Variants in TRPS1 observed in about 807,000 individuals in gnomAD.
TRPS1 encodes the protein transcriptional repressor GATA binding 1.
Under a neutral mutation model 101.2 loss-of-function variants are expected in TRPS1, and 6 were observed. That is an observed-to-expected ratio of 0.06 (90% CI 0.03 to 0.12). The LOEUF is 0.12. Among genes scored for constraint, TRPS1 ranks in the 10% least tolerant of loss-of-function variants. TRPS1 has a pLI of 1.00. For missense variants in TRPS1, 1,363 were observed against 1,567.0 expected, an observed-to-expected ratio of 0.87 and a Z score of 2.20; for synonymous variants, 578 against 589.8, an observed-to-expected ratio of 0.98 and a Z score of 0.29.
chr8:115,636,935 G>T, intron 1 of TRPS1, among the ~76,000 whole-genome samples: 1 of 109,188 alleles, frequency 9.2e-6, no homozygotes, highest in East Asian at 2.2e-4. Flanking sequence ...AACAAAAAAA[G>T]CAAAAAAAAA....
chr8:115,529,835 T>C (rs1816088628), intron 5 of TRPS1, among the ~76,000 whole-genome samples: 2 of 152,126 alleles, frequency 1.3e-5, no homozygotes, highest in South Asian at 4.1e-4. Flanking sequence ...AACCAGCATG[T>C]AGAAAGCATA....
At chr8:115,613,713 C>T (rs1004057856) in intron 3 of TRPS1, among the ~76,000 whole-genome samples, 21 of 151,994 alleles carry the variant, frequency 1.4e-4, no homozygotes, top group African/African-American at 1.2e-4. Flanking sequence ...AAGATGAGTT[C>T]ATTAATACAT....
At chr8:115,458,778 T>C (rs1288143196) in intron 5 of TRPS1, among the ~76,000 whole-genome samples, 3 of 152,212 alleles carry the variant, frequency 2.0e-5, no homozygotes, top group East Asian at 3.9e-4. Context: ...GCCGTGTTCA[T>C]AGAGAAGGCT....
At chr8:115,467,589 T>A (rs1315623739) in intron 5 of TRPS1, among the ~76,000 whole-genome samples, 1 of 152,160 alleles carries the variant, frequency 6.6e-6, no homozygotes, top group Non-Finnish European at 1.5e-5. Context: ...AGACACATTT[T>A]TTAAAAAGGG....
chr8:115,532,889 AG>A (rs1816169590), intron 5 of TRPS1, among the ~76,000 whole-genome samples: 1 of 152,170 alleles, frequency 6.6e-6, no homozygotes, highest in Admixed American at 6.5e-5. Context: ...CAAGAGCCAA[AG>A]AGGAACATTA....
chr8:115,663,721 GAAAAAAAAAAAA>G (rs1201864123), intron 1 of TRPS1, among the ~76,000 whole-genome samples: 1 of 76,788 alleles, frequency 1.3e-5, no homozygotes, highest in Non-Finnish European at 3.1e-5. Flanking sequence ...CTTGGAAAAG[GAAAAAAAAAAAA>G]AAAAAAAAAA....
chr8:115,527,898 A>T (rs771623501), intron 5 of TRPS1, among the ~76,000 whole-genome samples: 1 of 152,108 alleles, frequency 6.6e-6, no homozygotes, highest in Non-Finnish European at 1.5e-5. Flanking sequence ...AGGTACCCCA[A>T]ATTAGAACCT....
At chr8:115,567,331 C>T (rs1042399940) in intron 5 of TRPS1, among the ~76,000 whole-genome samples, 1 of 152,080 alleles carries the variant, frequency 6.6e-6, no homozygotes, top group African/African-American at 2.4e-5. Context: ...TCATTTCCAT[C>T]GTAATCTAAT....
At chr8:115,639,690 G>T (rs59547752) in intron 1 of TRPS1, among the ~76,000 whole-genome samples, 1 of 151,648 alleles carries the variant, frequency 6.6e-6, no homozygotes, top group Non-Finnish European at 1.5e-5. Flanking sequence ...TTAACCAGGC[G>T]TGGTGGCACA....
chr8:115,516,868 T>G (rs1815724765), intron 5 of TRPS1, among the ~76,000 whole-genome samples: 1 of 151,416 alleles, frequency 6.6e-6, no homozygotes, highest in Non-Finnish European at 1.5e-5. Flanking sequence ...AACAAACAGA[T>G]AAAAACATAA....
intron 5 of TRPS1, among the ~76,000 whole-genome samples, chr8:115,447,707 C>G (rs1159132442): frequency 6.6e-6 from 1 of 151,786 alleles, no homozygotes; most frequent in Non-Finnish European, 1.5e-5. Context: ...GTCAGCAATA[C>G]CATTCAAAAA....
intron 5 of TRPS1, among the ~76,000 whole-genome samples, chr8:115,582,822 AAGG>A (rs772090425): frequency 1.3e-5 from 2 of 152,274 alleles, no homozygotes; most frequent in East Asian, 3.9e-4. Context: ...GATCAATCTC[AAGG>A]AGATTTATCT....
intron 5 of TRPS1, among the ~76,000 whole-genome samples, chr8:115,510,852 T>C (rs1262727309): frequency 6.6e-6 from 1 of 151,924 alleles, no homozygotes; most frequent in Admixed American, 6.6e-5. Context: ...GTTATCAGAA[T>C]TAGTTCCAGA....
At chr8:115,648,019 A>G (rs541236344) in intron 1 of TRPS1, among the ~76,000 whole-genome samples, 54 of 152,264 alleles carry the variant, frequency 3.5e-4, no homozygotes, top group African/African-American at 1.1e-3. Flanking sequence ...TCACAGGTGA[A>G]TAAGATTTAA....
intron 1 of TRPS1, among the ~76,000 whole-genome samples, chr8:115,648,704 C>A (rs1282891438): frequency 6.9e-6 from 1 of 145,552 alleles, no homozygotes; most frequent in Admixed American, 6.9e-5. Flanking sequence ...TATTTTATTT[C>A]TCTCGCTACA....
intron 5 of TRPS1, among the ~76,000 whole-genome samples, chr8:115,499,120 A>G (rs774360299): frequency 6.6e-6 from 1 of 152,212 alleles, no homozygotes; most frequent in Non-Finnish European, 1.5e-5. Flanking sequence ...AAAAGAGTAT[A>G]CTAAAGAGCA....
intron 5 of TRPS1, among the ~76,000 whole-genome samples, chr8:115,486,125 T>C (rs971510486): frequency 1.6e-4 from 25 of 152,212 alleles, no homozygotes; most frequent in Admixed American, 2.6e-4. Context: ...GCTCACTTCA[T>C]GTCACAGTGT....
chr8:115,417,060 A>AT (rs1812939731), intron 6 of TRPS1, among the ~76,000 whole-genome samples: 1 of 152,180 alleles, frequency 6.6e-6, no homozygotes, highest in South Asian at 2.1e-4. Context: ...AGAGATGAAT[A>AT]TTAAAATAAT....
intron 1 of TRPS1, among the ~76,000 whole-genome samples, chr8:115,639,123 G>T (rs1818837185): frequency 1.3e-5 from 2 of 152,134 alleles, no homozygotes; most frequent in South Asian, 4.1e-4. Flanking sequence ...GAGTGCAGTG[G>T]CATGATCATG....
Sources: allele counts gnomAD v4.1 joint callset (sites outside exome capture counted in the v4.1 genomes callset), GRCh38; gene constraint gnomAD v4.1.1; transcripts MANE v1.5; gene names NCBI Gene and HGNC (gene_info 2026-07-23, HGNC 2026-07-21).